The following RYR2 variants were observed in gnomAD, a reference collection of about 807,000 sequenced individuals.
The protein encoded by RYR2 is cardiac muscle ryanodine receptor-calcium release channel.
In RYR2, 227 loss-of-function variants were observed where a neutral mutation model predicts 601.1. The observed-to-expected ratio is 0.38, with a 90% CI of 0.34 to 0.42. The LOEUF is 0.42. Ranked by LOEUF, RYR2 falls within the 10% of genes least tolerant of loss-of-function variation. RYR2 has a pLI of 1.00. For synonymous variants in RYR2, 2,223 were observed against 2,175.1 expected, an observed-to-expected ratio of 1.02 and a Z score of -0.61; for missense variants, 4,646 against 6,156.5, an observed-to-expected ratio of 0.75 and a Z score of 8.21.
intron 73 of RYR2, among the ~76,000 whole-genome samples, chr1:237,721,614 G>A (rs796682697): frequency 1.7e-4 from 26 of 152,200 alleles, no homozygotes; most frequent in African/African-American, 6.0e-4. Flanking sequence ...ACCTCCTTGG[G>A]TTCAAGCGAT....
At chr1:237,710,392 C>T (rs1290720170) in intron 70 of RYR2, among the ~76,000 whole-genome samples, 2 of 152,082 alleles carry the variant, frequency 1.3e-5, no homozygotes, top group African/African-American at 2.4e-5. Context: ...AATCAAGTTA[C>T]TTTGAATACA....
chr1:237,202,314 A>C (rs931378770), intron 1 of RYR2, among the ~76,000 whole-genome samples: 1 of 152,164 alleles, frequency 6.6e-6, no homozygotes, highest in Admixed American at 6.5e-5. Context: ...GAGTCTGAGC[A>C]CTTGAACATT....
At chr1:237,192,820 A>G (rs1680123890) in intron 1 of RYR2, among the ~76,000 whole-genome samples, 2 of 152,190 alleles carry the variant, frequency 1.3e-5, no homozygotes, top group Non-Finnish European at 2.9e-5. Context: ...TTCAATTAAT[A>G]GCAGTAAATA....
intron 1 of RYR2, among the ~76,000 whole-genome samples, chr1:237,152,539 C>T (rs1229873542): frequency 1.3e-5 from 2 of 152,270 alleles, no homozygotes; most frequent in African/African-American, 2.4e-5. Flanking sequence ...TTTTAATAAT[C>T]GCCATTCTGA....
At chr1:237,508,733 T>C (rs921949387) in intron 23 of RYR2, among the ~76,000 whole-genome samples, 2 of 124,160 alleles carry the variant, frequency 1.6e-5, no homozygotes, top group African/African-American at 2.7e-5. Flanking sequence ...CTTCGGGTTT[T>C]CTTTTTTTTT....
chr1:237,277,035 T>G (rs899734537), intron 2 of RYR2, among the ~76,000 whole-genome samples: 3 of 152,182 alleles, frequency 2.0e-5, no homozygotes, highest in Non-Finnish European at 4.4e-5. Context: ...ATAAAATATT[T>G]TAAATAAACC....
chr1:237,582,732 G>T (rs564880719), intron 29 of RYR2, among the ~76,000 whole-genome samples: 1 of 144,716 alleles, frequency 6.9e-6, no homozygotes, highest in Non-Finnish European at 1.5e-5. Context: ...CTATGTAGCT[G>T]CAGAGGACAT....
chr1:237,443,883 C>T (rs935384533), intron 13 of RYR2, among the ~76,000 whole-genome samples: 3 of 152,210 alleles, frequency 2.0e-5, no homozygotes, highest in African/African-American at 7.2e-5. Flanking sequence ...TATCACAGCT[C>T]ACCTGTGAAA....
In RYR2 at chr1:237,193,104, C is replaced by A. The variant is rs529536951; in HGVS notation, c.49-77393C>A. ...TTGGGAGGCCGAGGTGGGCGGATCA[C>A]GAGGTCAGGAGATCAAGACCATCCT... On this transcript the variant is annotated intron_variant, in intron 1 of 104. Coordinates refer to ENST00000366574, the MANE Select transcript of RYR2 (RefSeq NM_001035.3). Among the ~76,000 whole-genome samples the A allele has an allele frequency of 1.7e-3, 234 of 134,156 alleles. 1 individual carries two copies. The highest frequency in any genetic ancestry group is 6.2e-3 in the African/African-American group (221 of 35,844). The allele number at this position is 134,156 out of a possible 152,430, so 88.0% of individuals were successfully genotyped here.
intron 1 of RYR2, among the ~76,000 whole-genome samples, chr1:237,114,695 C>T (rs1291030690): frequency 6.6e-6 from 1 of 152,158 alleles, no homozygotes; most frequent in Non-Finnish European, 1.5e-5. Context: ...GGGCTGTAGC[C>T]TAGAGGCTAA....
intron 2 of RYR2, among the ~76,000 whole-genome samples, chr1:237,272,371 C>T (rs1360518356): frequency 6.6e-6 from 1 of 151,610 alleles, no homozygotes; most frequent in Non-Finnish European, 1.5e-5. Flanking sequence ...TCATAAGAGG[C>T]CATGTTTCAA....
intron 35 of RYR2, among the ~76,000 whole-genome samples, chr1:237,608,621 GAGAGTGC>G (rs1355716190): frequency 6.6e-6 from 1 of 152,096 alleles, no homozygotes; most frequent in African/African-American, 2.4e-5. Flanking sequence ...AGGATCACTT[GAGAGTGC>G]AGACATGGAG....
At chr1:237,454,095 A>G (rs538823873) in intron 14 of RYR2, among the ~76,000 whole-genome samples, 4 of 152,246 alleles carry the variant, frequency 2.6e-5, no homozygotes, top group African/African-American at 9.6e-5. Context: ...TTCCAATGAA[A>G]ATCAACTGGT....
chr1:237,379,859 A>G (rs1701307131), intron 8 of RYR2, among the ~76,000 whole-genome samples: 1 of 152,150 alleles, frequency 6.6e-6, no homozygotes, highest in Non-Finnish European at 1.5e-5. Flanking sequence ...GCAGCCAACC[A>G]GGTTGTTAAA....
intron 10 of RYR2, among the ~76,000 whole-genome samples, chr1:237,410,018 A>T (rs563121549): frequency 6.6e-6 from 1 of 152,310 alleles, no homozygotes; most frequent in East Asian, 1.9e-4. Flanking sequence ...GTATTCAGAA[A>T]ATAGGACTCT....
At chr1:237,350,192 T>C (rs749416025) in intron 3 of RYR2, among the ~76,000 whole-genome samples, 20 of 152,150 alleles carry the variant, frequency 1.3e-4, no homozygotes, top group Non-Finnish European at 2.6e-4. Flanking sequence ...ACTTTAAGAC[T>C]GTCTTACAGA....
chr1:237,205,835 C>T (rs1681751063), intron 1 of RYR2, among the ~76,000 whole-genome samples: 1 of 152,158 alleles, frequency 6.6e-6, no homozygotes, highest in Non-Finnish European at 1.5e-5. Flanking sequence ...GATGGGGCCT[C>T]AGCAGGAGTG....
chr1:237,610,878 C>T lies in RYR2; in HGVS notation c.4800C>T (p.Pro1600=), dbSNP rs546340378. Residue 1600 remains proline (P), a synonymous_variant, in exon 36 of 105, where the codon CCC becomes CCT. Coordinates refer to ENST00000366574, the MANE Select transcript of RYR2 (RefSeq NM_001035.3). This position sits in a 1 kb window ranked among gnomAD's most constrained non-coding sequence, Gnocchi z 4.9. ...FLSHVLWSRM[P]NQFLKVDVSR... ...CACACGTCCTGTGGAGCAGAATGCC[C>T]AACCAGTTTTTGAAGGTAGATGTGT... 32 of 1,613,402 alleles carry T rather than the reference C, an allele frequency of 2.0e-5. No individual in the cohort carries two copies. In the African/African-American group the frequency reaches 2.3e-4, roughly 11 times the overall value.
chr1:237,665,908 T>A (rs1016904683), intron 56 of RYR2, among the ~76,000 whole-genome samples: 1 of 152,172 alleles, frequency 6.6e-6, no homozygotes, highest in Admixed American at 6.5e-5. Context: ...CACTTTCACA[T>A]AACATGCCAT....
Sources: allele counts gnomAD v4.1 joint callset (sites outside exome capture counted in the v4.1 genomes callset), GRCh38; gene constraint gnomAD v4.1.1; non-coding constraint Gnocchi (gnomAD v3.1); transcripts MANE v1.5; gene names NCBI Gene and HGNC (gene_info 2026-07-23, HGNC 2026-07-21).